The following BRINP3 variants were observed in gnomAD, a reference collection of about 807,000 sequenced individuals.
BRINP3 encodes the protein BMP/retinoic acid inducible neural specific 3.
Under a neutral mutation model 71.0 loss-of-function variants are expected in BRINP3, and 19 were observed. That is an observed-to-expected ratio of 0.27 (90% CI 0.19 to 0.39). The LOEUF (loss-of-function observed/expected upper bound fraction) is 0.39. Among genes scored for constraint, BRINP3 ranks in the 10% least tolerant of loss-of-function variants. The probability of loss-of-function intolerance (pLI) is 1.00; values close to 1 mark genes in which losing one functional copy is unlikely to be tolerated. For missense variants in BRINP3, 959 were observed against 940.8 expected, an observed-to-expected ratio of 1.02 and a Z score of -0.25; for synonymous variants, 380 against 337.7, an observed-to-expected ratio of 1.13 and a Z score of -1.37.
intron 6 of BRINP3, among the ~76,000 whole-genome samples, chr1:190,183,161 T>G (rs1653179564): frequency 6.6e-6 from 1 of 152,074 alleles, no homozygotes; most frequent in African/African-American, 2.4e-5. Flanking sequence ...AGGAAGCATG[T>G]TTTTGATGGC....
chr1:190,214,070 A>C (rs1242862147), intron 6 of BRINP3, among the ~76,000 whole-genome samples: 1 of 152,048 alleles, frequency 6.6e-6, no homozygotes, highest in Non-Finnish European at 1.5e-5. Context: ...TGAGTCCCCG[A>C]AAAACAGAAG....
intron 6 of BRINP3, among the ~76,000 whole-genome samples, chr1:190,202,885 A>T (rs1655130718): frequency 6.6e-6 from 1 of 152,112 alleles, no homozygotes; most frequent in Admixed American, 6.6e-5. Flanking sequence ...TATCAGCAGC[A>T]TGAAAATGGC....
chr1:190,160,421 T>C (rs2102457436), intron 7 of BRINP3, among the ~76,000 whole-genome samples: 1 of 152,222 alleles, frequency 6.6e-6, no homozygotes, highest in Admixed American at 6.6e-5. Flanking sequence ...TAAATTAGAA[T>C]GATTTCTTCA....
At chr1:190,429,202 T>A (rs1028954661) in intron 2 of BRINP3, among the ~76,000 whole-genome samples, 9 of 152,192 alleles carry the variant, frequency 5.9e-5, no homozygotes, top group Non-Finnish European at 1.3e-4. Context: ...ATTTTTTGTC[T>A]TTATAAACAC....
At chr1:190,174,505 A>G (rs571482382) in intron 6 of BRINP3, among the ~76,000 whole-genome samples, 4 of 152,270 alleles carry the variant, frequency 2.6e-5, no homozygotes, top group Admixed American at 2.6e-4. Flanking sequence ...TATTGTATAC[A>G]TTAGCCTGTC....
At chr1:190,333,908 A>G (rs1457352467) in intron 2 of BRINP3, among the ~76,000 whole-genome samples, 1 of 151,892 alleles carries the variant, frequency 6.6e-6, no homozygotes, top group African/African-American at 2.4e-5. Context: ...ACTCTACTTG[A>G]CAGCCCTTCA....
intron 4 of BRINP3, among the ~76,000 whole-genome samples, chr1:190,263,288 T>C (rs1661352929): frequency 6.6e-6 from 1 of 152,166 alleles, no homozygotes; most frequent in African/African-American, 2.4e-5. Flanking sequence ...GCTGGCTACA[T>C]TTTTATCTGT....
At chr1:190,275,962 T>TAG (rs1553276361) in intron 3 of BRINP3, among the ~76,000 whole-genome samples, 23 of 147,408 alleles carry the variant, frequency 1.6e-4, no homozygotes, top group Admixed American at 3.4e-4. Context: ...TATATATATA[T>TAG]AGAGAGAGAG....
intron 6 of BRINP3, among the ~76,000 whole-genome samples, chr1:190,186,037 A>G (rs1021479506): frequency 1.3e-5 from 2 of 152,150 alleles, no homozygotes; most frequent in Non-Finnish European, 2.9e-5. Context: ...ATAAATATAT[A>G]CAATTATTGT....
At chr1:190,153,573 T>C (rs895066216) in intron 7 of BRINP3, among the ~76,000 whole-genome samples, 1 of 152,196 alleles carries the variant, frequency 6.6e-6, no homozygotes, top group Non-Finnish European at 1.5e-5. Flanking sequence ...GATCATTTTA[T>C]AACATGTAAG....
chr1:190,444,239 C>CAAAAAAAAAAA lies in BRINP3; in HGVS notation c.236+10405_236+10415dup, dbSNP rs764014934. On this transcript the variant is annotated intron_variant, in intron 2 of 7. Transcript: ENST00000367462. ...GGGCAACAAGAGCAAAACTCCGTCT[C>CAAAAAAAAAAA]AAAAAAAAAAAAAAAAAAAAAAAAA... 3.4e-4 allele frequency among the ~76,000 whole-genome samples: 19 copies of CAAAAAAAAAAA among 56,318 alleles called. 1 individual carries two copies. Among genetic ancestry groups the CAAAAAAAAAAA allele is most frequent in the Non-Finnish European group, 3.7e-4 (12 of 32,752 alleles). 36.9% of individuals were successfully genotyped at this position (56,318 alleles called of 152,430 possible).
intron 2 of BRINP3, among the ~76,000 whole-genome samples, chr1:190,381,497 C>T (rs560785873): frequency 7.9e-5 from 12 of 152,212 alleles, no homozygotes; most frequent in Non-Finnish European, 2.9e-5. Context: ...AAAATGTATG[C>T]ATGTATTTGT....
At chr1:190,121,891 A>T (rs1211551375) in intron 7 of BRINP3, among the ~76,000 whole-genome samples, 3 of 152,230 alleles carry the variant, frequency 2.0e-5, no homozygotes, top group Non-Finnish European at 4.4e-5. Flanking sequence ...AATTTTAAAA[A>T]ATAAAAATCG....
chr1:190,250,641 C>T (rs76502878), intron 4 of BRINP3, among the ~76,000 whole-genome samples: 2,921 of 152,018 alleles, frequency 0.019, 65 homozygotes, highest in Middle Eastern at 0.061. Flanking sequence ...AAATAAGAGA[C>T]TCTCCAAGTA....
chr1:190,334,026 T>G (rs1667130096), intron 2 of BRINP3, among the ~76,000 whole-genome samples: 1 of 151,878 alleles, frequency 6.6e-6, no homozygotes, highest in Admixed American at 6.6e-5. Context: ...CAACGCTATA[T>G]GAGCATGCAC....
intron 2 of BRINP3, among the ~76,000 whole-genome samples, chr1:190,402,690 T>C (rs1442099855): frequency 1.3e-5 from 2 of 152,160 alleles, no homozygotes; most frequent in African/African-American, 4.8e-5. Flanking sequence ...AAAATAAAAA[T>C]TTTGACACAT....
intron 2 of BRINP3, among the ~76,000 whole-genome samples, chr1:190,286,368 T>C (rs1663425965): frequency 6.6e-6 from 1 of 152,204 alleles, no homozygotes; most frequent in African/African-American, 2.4e-5. Context: ...TAACCTTTCT[T>C]ATTAGCATTT....
intron 4 of BRINP3, among the ~76,000 whole-genome samples, chr1:190,264,163 ACAATTTCTCCT>A (rs887766697): frequency 1.3e-5 from 2 of 152,286 alleles, no homozygotes; most frequent in Middle Eastern, 6.8e-3. Flanking sequence ...TTAGGAGACA[ACAATTTCTCCT>A]CTCTGTCTCT....
Position 190,384,146 on chromosome 1 carries a change from G to GT in BRINP3, c.236+70508dup, listed in dbSNP as rs548061853. Among the ~76,000 whole-genome samples the GT allele has an allele frequency of 9.0e-3, 1,309 of 146,116 alleles. 9 individuals are homozygous for GT. The highest frequency in any genetic ancestry group is 0.026 in the African/African-American group (1,040 of 40,038). ...TAATGAGATAATATTGGCCACAAAT[G>GT]TTTTTTTTTTCATTGCCTTATCATT... On this transcript the variant is annotated intron_variant, in intron 2 of 7. Coordinates refer to ENST00000367462, the MANE Select transcript of BRINP3 (RefSeq NM_199051.3).
Sources: gnomAD v4.1 joint callset for allele counts (sites outside exome capture counted in the v4.1 genomes callset) on GRCh38, gnomAD v4.1.1 for gene constraint, MANE v1.5 for transcripts, NCBI Gene and HGNC (gene_info 2026-07-23, HGNC 2026-07-21) for gene names.